FOXN3: variants seen among roughly 807,000 people sequenced by gnomAD.
The protein encoded by FOXN3 is forkhead box N3.
In FOXN3, 7 loss-of-function variants were observed where a neutral mutation model predicts 38.4. That is an observed-to-expected ratio of 0.18 (90% confidence interval 0.10 to 0.34). FOXN3 has a LOEUF of 0.34. FOXN3 is among the 10% of genes least tolerant of loss of function. FOXN3 has a pLI of 1.00. For missense variants in FOXN3, 456 were observed against 613.4 expected (o/e 0.74, Z 2.71); for synonymous variants, 230 against 242.2 (o/e 0.95, Z 0.47).
At chr14:89,217,948 G>A (rs769091325) in intron 4 of FOXN3, among the ~76,000 whole-genome samples, 14 of 152,212 alleles carry the variant, frequency 9.2e-5, no homozygotes, top group Non-Finnish European at 1.6e-4. Context: ...TATTCTATTT[G>A]CTAATGAGCA....
At chr14:89,350,501 T>C (rs1414611344) in intron 3 of FOXN3, 171 bp downstream of exon 3, 1 of 516,490 alleles carries the variant, frequency 1.9e-6, no homozygotes, top group Non-Finnish European at 3.2e-6. Context: ...GCGGTAAGGT[T>C]TGTAGGAAAT....
intron 1 of FOXN3, among the ~76,000 whole-genome samples, chr14:89,616,857 C>CA (rs949597238): frequency 2.6e-5 from 4 of 152,120 alleles, no homozygotes; most frequent in African/African-American, 9.7e-5. Flanking sequence ...ATATTTCCAA[C>CA]AAAAATACAG....
intron 1 of FOXN3, among the ~76,000 whole-genome samples, chr14:89,554,050 G>A (rs978459060): frequency 2.6e-5 from 4 of 152,104 alleles, no homozygotes; most frequent in African/African-American, 9.7e-5. Flanking sequence ...CGCTCAGGCT[G>A]GAGTGCAGTG....
chr14:89,168,962 T>A (rs1006745441), intron 5 of FOXN3, among the ~76,000 whole-genome samples: 3 of 152,214 alleles, frequency 2.0e-5, no homozygotes, highest in African/African-American at 7.2e-5. Flanking sequence ...TAACTGTCGA[T>A]CTAGAATTTT....
At chr14:89,362,856 C>T (rs1889929423) in intron 2 of FOXN3, among the ~76,000 whole-genome samples, 1 of 150,482 alleles carries the variant, frequency 6.6e-6, no homozygotes, top group African/African-American at 2.4e-5. Context: ...GGGTCACAAA[C>T]CCATTCAAAC....
chr14:89,247,073 TCCAC>T (rs1450142392), intron 4 of FOXN3, among the ~76,000 whole-genome samples: 3 of 151,940 alleles, frequency 2.0e-5, no homozygotes, highest in African/African-American at 4.8e-5. Flanking sequence ...CATCCATCCA[TCCAC>T]CCACCCACCC....
intron 1 of FOXN3, among the ~76,000 whole-genome samples, chr14:89,496,396 G>A (rs562318478): frequency 6.6e-6 from 1 of 152,236 alleles, no homozygotes; most frequent in East Asian, 1.9e-4. Flanking sequence ...TCCCAGAGCA[G>A]ATCATCTCAG....
chr14:89,199,526 T>C (rs929089138), intron 4 of FOXN3, among the ~76,000 whole-genome samples: 17 of 152,104 alleles, frequency 1.1e-4, no homozygotes, highest in African/African-American at 3.9e-4. Flanking sequence ...AACTAACAGC[T>C]GTTTGTTGGA....
At chr14:89,567,192 A>G (rs930224047) in intron 1 of FOXN3, among the ~76,000 whole-genome samples, 2 of 152,142 alleles carry the variant, frequency 1.3e-5, no homozygotes, top group African/African-American at 4.8e-5. Context: ...AAAACCCTTC[A>G]TCTGCCTCTC....
At chr14:89,441,408 T>C (rs534231484) in intron 1 of FOXN3, among the ~76,000 whole-genome samples, 1 of 152,336 alleles carries the variant, frequency 6.6e-6, no homozygotes, top group East Asian at 1.9e-4. Flanking sequence ...AGGATGAAAC[T>C]GAAAGGTGAT....
chr14:89,553,466 G>T (rs1314272676), intron 1 of FOXN3, among the ~76,000 whole-genome samples: 2 of 151,464 alleles, frequency 1.3e-5, no homozygotes, highest in African/African-American at 2.4e-5. Context: ...AAAAAAAAGG[G>T]TAAAATAGAT....
chr14:89,257,719 C>A (rs897576633), intron 4 of FOXN3, among the ~76,000 whole-genome samples: 1 of 152,052 alleles, frequency 6.6e-6, no homozygotes, highest in East Asian at 1.9e-4. Context: ...CACTGTACTC[C>A]GGCATGGGTG....
chr14:89,471,057 G>GT (rs1596287588), intron 1 of FOXN3, among the ~76,000 whole-genome samples: 1 of 152,350 alleles, frequency 6.6e-6, no homozygotes, highest in Non-Finnish European at 1.5e-5. Flanking sequence ...GGCCATTCCA[G>GT]TTTTCTGTCT....
At chr14:89,276,995 G>A (rs1368696111) in intron 4 of FOXN3, among the ~76,000 whole-genome samples, 3 of 152,166 alleles carry the variant, frequency 2.0e-5, no homozygotes, top group African/African-American at 7.2e-5. Context: ...GATTAGGGGT[G>A]AGGAATGTCT....
rs558030200 is a variant in FOXN3, at chr14:89,428,378, G to A, written c.-14-15888C>T. Among the ~76,000 whole-genome samples the A allele has an allele frequency of 2.0e-4, 30 of 152,234 alleles. 1 individual carries two copies. The highest frequency in any genetic ancestry group is 6.7e-4 in the African/African-American group (28 of 41,522). On this transcript the variant is annotated intron_variant, in intron 1 of 6. Coordinates refer to the FOXN3 transcript ENST00000345097. ...TTGTGCCTTTAATATTGAGGTTGAG[G>A]TGCAGGCAAAAGGTGTCCAGAAATT...
intron 2 of FOXN3, among the ~76,000 whole-genome samples, chr14:89,406,998 GA>G (rs35141347): frequency 0.63 from 80,167 of 128,138 alleles, 24,387 homozygotes; most frequent in Admixed American, 0.67. Flanking sequence ...TAGACGAAAT[GA>G]AAAAAAAAAA....
At chr14:89,223,308 AGACCAC>A (rs1884528386) in intron 4 of FOXN3, 1 of 152,364 alleles carries the variant, frequency 6.6e-6, no homozygotes, top group Non-Finnish European at 1.5e-5. Context: ...GGGCAGGTGC[AGACCAC>A]GGGCTGTGGT....
intron 1 of FOXN3, among the ~76,000 whole-genome samples, chr14:89,480,784 T>C (rs973470154): frequency 1.8e-4 from 27 of 152,232 alleles, no homozygotes; most frequent in African/African-American, 6.5e-4. Context: ...ATATTGTTTA[T>C]GAGACAGGAT....
chr14:89,372,094 A>G (rs1890335752), intron 2 of FOXN3, among the ~76,000 whole-genome samples: 1 of 152,132 alleles, frequency 6.6e-6, no homozygotes, highest in Non-Finnish European at 1.5e-5. Context: ...AAAATAAAAA[A>G]CGGAATTGAT....
Sources: gnomAD v4.1 joint callset for allele counts (sites outside exome capture counted in the v4.1 genomes callset) on GRCh38, gnomAD v4.1.1 for gene constraint, MANE v1.5 for transcripts, NCBI Gene and HGNC (gene_info 2026-07-23, HGNC 2026-07-21) for gene names.